CFAP52: variants seen among roughly 807,000 people sequenced by gnomAD.
The protein encoded by CFAP52 is cilia and flagella associated protein 52.
In CFAP52, 57 loss-of-function variants were observed where a neutral mutation model predicts 70.5. The observed-to-expected ratio is 0.81, with a 90% CI of 0.65 to 1.01. The LOEUF (loss-of-function observed/expected upper bound fraction) is 1.01, where lower values mean the gene tolerates loss of function less well. Among genes scored for constraint, CFAP52 ranks in the 50% least tolerant of loss-of-function variants. The probability of loss-of-function intolerance (pLI) is 0.00; values close to 1 mark genes in which losing one functional copy is unlikely to be tolerated. For missense variants in CFAP52, 785 were observed against 788.5 expected, an observed-to-expected ratio of 1.00 and a Z score of 0.05; for synonymous variants, 267 against 292.5, an observed-to-expected ratio of 0.91 and a Z score of 0.89.
chr17:9,639,810 A>G (rs1449092066), intron 12 of CFAP52, among the ~76,000 whole-genome samples: 1 of 152,206 alleles, frequency 6.6e-6, no homozygotes, highest in African/African-American at 2.4e-5. Flanking sequence ...GTCAATGCCT[A>G]GACCTCAAGG....
intron 1 of CFAP52, among the ~76,000 whole-genome samples, chr17:9,585,213 C>G (rs1032564739): frequency 2.6e-5 from 4 of 152,170 alleles, no homozygotes; most frequent in African/African-American, 9.7e-5. Context: ...TACAGAATCT[C>G]AACCCCTTCT....
chr17:9,609,602 G>T (rs945068687), intron 7 of CFAP52, among the ~76,000 whole-genome samples: 1 of 152,084 alleles, frequency 6.6e-6, no homozygotes, highest in Non-Finnish European at 1.5e-5. Context: ...AGGCTGAAGC[G>T]GGAGGATTGA....
chr17:9,630,312 C>T (rs112270562), intron 9 of CFAP52, among the ~76,000 whole-genome samples: 1,934 of 149,730 alleles, frequency 0.013, 50 homozygotes, highest in African/African-American at 0.045. Context: ...GGCGCGGTGG[C>T]TCACGCCTGT....
intron 9 of CFAP52, among the ~76,000 whole-genome samples, chr17:9,632,254 G>GTT (rs112964538): frequency 5.8e-5 from 8 of 137,540 alleles, no homozygotes; most frequent in South Asian, 2.4e-4. Context: ...GTTTTTTTTT[G>GTT]TTTTTTTTTT....
At chr17:9,594,458 G>A (rs1908911372) in intron 4 of CFAP52, 137 bp downstream of exon 4, 7 of 1,146,090 alleles carry the variant, frequency 6.1e-6, no homozygotes, top group South Asian at 2.1e-5. Context: ...TTGTGATTTT[G>A]TACTCATTAA....
At chr17:9,588,139 C>A (rs138750666) in intron 3 of CFAP52, among the ~76,000 whole-genome samples, 3 of 152,224 alleles carry the variant, frequency 2.0e-5, no homozygotes, top group African/African-American at 4.8e-5. Context: ...TTACATCCTG[C>A]GTGACTCAGC....
In CFAP52 at chr17:9,641,723, G is replaced by C. The variant is rs1205327819; in HGVS notation, c.1576-1G>C. ...CTTAATGCTTCTTTCCTGAATTCCA[G>C]ATTGCTTACTGGGAAGTATTTGATG... On this transcript the variant is annotated splice_acceptor_variant, in intron 12 of 13. Transcript: ENST00000352665. LOFTEE classifies it high-confidence loss of function. The C allele has an allele frequency of 6.2e-7, 1 of 1,611,374 alleles. No individual in the cohort carries two copies. The highest frequency in any genetic ancestry group is 8.5e-7 in the Non-Finnish European group (1 of 1,177,728).
intron 2 of CFAP52, among the ~76,000 whole-genome samples, chr17:9,586,338 C>T (rs1298645457): frequency 1.3e-5 from 2 of 151,932 alleles, no homozygotes; most frequent in Admixed American, 6.6e-5. Flanking sequence ...CCTAGACGGT[C>T]GGATCCCCTG....
intron 11 of CFAP52, among the ~76,000 whole-genome samples, chr17:9,635,904 G>T (rs1197048256): frequency 1.3e-5 from 2 of 152,146 alleles, no homozygotes; most frequent in African/African-American, 4.8e-5. Flanking sequence ...CGGGCGTGGT[G>T]GCTTCTGCCT....
chr17:9,635,681 G>T, intron 11 of CFAP52, 125 bp downstream of exon 11: 1 of 1,269,828 alleles, frequency 7.9e-7, no homozygotes. Flanking sequence ...CACAGTAAAG[G>T]GATGTTCATC....
chr17:9,586,623 C>A, intron 2 of CFAP52, 75 bp from the exon 3 acceptor site: 1 of 1,430,146 alleles, frequency 7.0e-7, no homozygotes, highest in Non-Finnish European at 9.3e-7. Context: ...AATTGTTTTT[C>A]ACCAAGAAGG....
intron 8 of CFAP52, among the ~76,000 whole-genome samples, chr17:9,621,580 A>C (rs1910032458): frequency 1.6e-4 from 1 of 6,172 alleles, no homozygotes; most frequent in Non-Finnish European, 2.7e-4. Context: ...CACTATTCAC[A>C]ATAGCAAAGA....
rs181941953 is a variant in CFAP52, at chr17:9,583,044, A to G, written c.71-2729A>G. Among the ~76,000 whole-genome samples the G allele has an allele frequency of 2.6e-5, 4 of 152,288 alleles. No individual in the cohort carries two copies. The East Asian group carries it at 7.7e-4, about 29-fold the overall frequency. On this transcript the variant is annotated intron_variant, in intron 1 of 13. Coordinates refer to ENST00000352665, the MANE Select transcript of CFAP52 (RefSeq NM_145054.5). ...AAAGTCATTTCTTACTTTTGTACAC[A>G]CTGTCTTGTTTTTCACATTTAGGTC...
intron 8 of CFAP52, among the ~76,000 whole-genome samples, chr17:9,612,936 A>G (rs1364075939): frequency 6.6e-6 from 1 of 152,194 alleles, no homozygotes; most frequent in Admixed American, 6.5e-5. Context: ...ACACTTTATT[A>G]TAAAATAGGA....
At chr17:9,631,044 G>A (rs62064129) in intron 9 of CFAP52, among the ~76,000 whole-genome samples, 1,649 of 20,726 alleles carry the variant, frequency 0.08, 113 homozygotes, top group African/African-American at 0.15. Context: ...GAGAGAGAGA[G>A]AGAGAGAGAG....
chr17:9,607,863 C>T (rs1271736439), intron 6 of CFAP52, among the ~76,000 whole-genome samples: 2 of 152,176 alleles, frequency 1.3e-5, no homozygotes, highest in East Asian at 3.9e-4. Context: ...ACTGAATCCC[C>T]TTGGTCAGCC....
intron 3 of CFAP52, among the ~76,000 whole-genome samples, chr17:9,593,447 G>T (rs1567622952): frequency 6.6e-6 from 1 of 152,094 alleles, no homozygotes; most frequent in Admixed American, 6.6e-5. Context: ...TCTTTTGTTT[G>T]TGTTTTTGTT....
At chr17:9,589,801 CTTT>C (rs3060109) in intron 3 of CFAP52, 1 of 93,186 alleles carries the variant, frequency 1.1e-5, no homozygotes, top group Non-Finnish European at 1.9e-5. Flanking sequence ...CTTAGCTCAA[CTTT>C]TTTTTTTTTT....
In CFAP52 at chr17:9,631,020, A is replaced by AGAG. The variant is rs1567634788; in HGVS notation, c.1175-1868_1175-1867insGAG. Among the ~76,000 whole-genome samples the AGAG allele has an allele frequency of 2.3e-3, 92 of 39,326 alleles. 3 individuals carry two copies. The highest frequency in any genetic ancestry group is 4.7e-3 in the African/African-American group (28 of 6,018). 25.8% of individuals were successfully genotyped at this position (39,326 alleles called of 152,430 possible). ...AAAGAAAGAAAGAAAGAAAGAAAGA[A>AGAG]AGAAAGAAAGAGAGAGAGAGAGAGA... is the stretch of plus-strand genomic sequence containing the variant. On this transcript the variant is annotated intron_variant, in intron 9 of 13. Transcript: ENST00000352665.
Sources: allele counts gnomAD v4.1 joint callset (sites outside exome capture counted in the v4.1 genomes callset), GRCh38; gene constraint gnomAD v4.1.1; transcripts MANE v1.5; gene names NCBI Gene and HGNC (gene_info 2026-07-23, HGNC 2026-07-21).